Variants in MMP16 observed in about 807,000 individuals in gnomAD.
MMP16 encodes the protein matrix metallopeptidase 16.
A neutral mutation model predicts 67.8 loss-of-function variants in MMP16; 12 were observed. That is an observed-to-expected ratio of 0.18 (90% CI 0.11 to 0.29). The LOEUF (loss-of-function observed/expected upper bound fraction) is 0.29, where lower values mean the gene tolerates loss of function less well. Ranked by LOEUF, MMP16 falls within the 10% of genes least tolerant of loss-of-function variation. MMP16 has a pLI of 1.00. For missense variants in MMP16, 475 were observed against 765.7 expected (o/e 0.62, Z 4.48); for synonymous variants, 249 against 255.9 (o/e 0.97, Z 0.26).
intron 5 of MMP16, among the ~76,000 whole-genome samples, chr8:88,117,502 G>A (rs1809455790): frequency 6.6e-6 from 1 of 152,050 alleles, no homozygotes; most frequent in South Asian, 2.1e-4. Context: ...CAGACCTTCA[G>A]TCTAGACTAC....
chr8:88,131,154 G>C (rs1341670566), intron 4 of MMP16, among the ~76,000 whole-genome samples: 1 of 151,532 alleles, frequency 6.6e-6, no homozygotes, highest in Non-Finnish European at 1.5e-5. Context: ...TAGAAATAAA[G>C]GCTTGGTGTA....
At chr8:88,158,072 T>G (rs899632244) in intron 4 of MMP16, among the ~76,000 whole-genome samples, 2 of 152,164 alleles carry the variant, frequency 1.3e-5, no homozygotes, top group African/African-American at 4.8e-5. Flanking sequence ...AGTCTATCAT[T>G]GTTGGACATT....
chr8:88,297,045 AT>A (rs1324210359), intron 1 of MMP16, among the ~76,000 whole-genome samples: 1 of 152,194 alleles, frequency 6.6e-6, no homozygotes, highest in Non-Finnish European at 1.5e-5. Flanking sequence ...TAAAAATGTT[AT>A]TCAAACATGA....
At chr8:88,208,126 G>T (rs191437272) in intron 1 of MMP16, among the ~76,000 whole-genome samples, 1,537 of 152,272 alleles carry the variant, frequency 0.01, 84 homozygotes, top group Admixed American at 0.094. Context: ...TAATGTAGAT[G>T]AAAAAGTGCC....
At chr8:88,104,179 T>C (rs11994071) in intron 6 of MMP16, among the ~76,000 whole-genome samples, 25,847 of 151,670 alleles carry the variant, frequency 0.17, 2,328 homozygotes, top group African/African-American at 0.21. Flanking sequence ...ATAGTACATA[T>C]TTTAAAAATC....
At chr8:88,129,531 T>C (rs1014795293) in intron 4 of MMP16, among the ~76,000 whole-genome samples, 32 of 151,654 alleles carry the variant, frequency 2.1e-4, no homozygotes, top group African/African-American at 7.5e-4. Context: ...CATTTCCCTG[T>C]GTTCCCTAAG....
intron 1 of MMP16, among the ~76,000 whole-genome samples, chr8:88,295,009 G>A (rs1034341766): frequency 6.6e-6 from 1 of 152,146 alleles, no homozygotes; most frequent in Non-Finnish European, 1.5e-5. Flanking sequence ...CACCGGGCCT[G>A]GCATGGACCT....
At chr8:88,049,231 A>C (rs1327361955) in intron 8 of MMP16, among the ~76,000 whole-genome samples, 1 of 152,230 alleles carries the variant, frequency 6.6e-6, no homozygotes, top group Non-Finnish European at 1.5e-5. Context: ...GAGGACAATG[A>C]AGTGGAATCA....
intron 3 of MMP16, among the ~76,000 whole-genome samples, chr8:88,171,522 C>T (rs1238220629): frequency 6.6e-6 from 1 of 152,100 alleles, no homozygotes; most frequent in East Asian, 1.9e-4. Flanking sequence ...TAAATAGAAA[C>T]TGACACTGCT....
At chr8:88,169,934 G>A (rs79940309) in intron 3 of MMP16, among the ~76,000 whole-genome samples, 104 of 152,288 alleles carry the variant, frequency 6.8e-4, no homozygotes, top group African/African-American at 2.3e-3. Flanking sequence ...TTTAATAAAT[G>A]TCTTGAGACA....
At chr8:88,089,975 A>G (rs1808906831) in intron 6 of MMP16, among the ~76,000 whole-genome samples, 1 of 152,066 alleles carries the variant, frequency 6.6e-6, no homozygotes, top group African/African-American at 2.4e-5. Flanking sequence ...TTGGGAGATA[A>G]CAGTGAAAAG....
intron 6 of MMP16, among the ~76,000 whole-genome samples, chr8:88,076,773 T>C (rs927192921): frequency 6.6e-6 from 1 of 152,180 alleles, no homozygotes; most frequent in African/African-American, 2.4e-5. Flanking sequence ...GTTATTGTAA[T>C]GTATATGCCA....
chr8:88,206,513 C>A (rs368563125), intron 1 of MMP16, among the ~76,000 whole-genome samples: 1 of 152,106 alleles, frequency 6.6e-6, no homozygotes, highest in Admixed American at 6.6e-5. Context: ...GGTGTGAGTG[C>A]GCCCTGCAAG....
intron 4 of MMP16, among the ~76,000 whole-genome samples, chr8:88,127,169 T>C (rs577775142): frequency 6.6e-6 from 1 of 151,768 alleles, no homozygotes; most frequent in South Asian, 2.1e-4. Context: ...AGTGACAGAG[T>C]TGAGAAATAT....
intron 1 of MMP16, among the ~76,000 whole-genome samples, chr8:88,233,967 A>G (rs1809902540): frequency 6.6e-6 from 1 of 152,260 alleles, no homozygotes; most frequent in Non-Finnish European, 1.5e-5. Flanking sequence ...ATGAAAACTA[A>G]CATATATTAG....
intron 1 of MMP16, among the ~76,000 whole-genome samples, chr8:88,282,082 TGGGG>T (rs113575777): frequency 3.4e-5 from 4 of 116,204 alleles, no homozygotes; most frequent in East Asian, 2.1e-4. Context: ...TTTTCTTTTT[TGGGG>T]GGGGGGGGGC....
chr8:88,085,241 G>A (rs1586142797), intron 6 of MMP16, among the ~76,000 whole-genome samples: 1 of 152,104 alleles, frequency 6.6e-6, no homozygotes, highest in East Asian at 1.9e-4. Flanking sequence ...GTCATAACTT[G>A]AAGAAGAAAA....
rs1376962157 is a variant in MMP16 at position 88,034,640 on chromosome 8, C to G, written c.*6821G>C. 1 of 151,924 alleles carries G rather than the reference C, an allele frequency of 6.6e-6. No homozygotes were observed. The highest frequency in any genetic ancestry group is 2.1e-4 in the South Asian group (1 of 4,820). The allele number at this position is 151,924 out of a possible 1,614,324, so 9.4% of individuals were successfully genotyped here. A position where few individuals can be genotyped will look rare whatever the true frequency, so the allele number is the denominator to read the frequency against. On this transcript the variant is annotated 3_prime_UTR_variant, in exon 10 of 10. Transcript: ENST00000286614. Reference sequence around the variant, plus strand: ...AATTGTAACATTGATTTAAGGATAACGCTCATATTACTACCAAAATCATTC... The same window carrying G: ...AATTGTAACATTGATTTAAGGATAAGGCTCATATTACTACCAAAATCATTC...
At chr8:88,307,059 G>C (rs1345094845) in intron 1 of MMP16, among the ~76,000 whole-genome samples, 1 of 152,166 alleles carries the variant, frequency 6.6e-6, no homozygotes, top group Non-Finnish European at 1.5e-5. Flanking sequence ...ATCTTAAGCT[G>C]ATAAGCAACT....
Sources: allele counts gnomAD v4.1 joint callset (sites outside exome capture counted in the v4.1 genomes callset), GRCh38; gene constraint gnomAD v4.1.1; transcripts MANE v1.5; gene names NCBI Gene and HGNC (gene_info 2026-07-23, HGNC 2026-07-21).